Variants in STIP1 observed in about 807,000 individuals in gnomAD.
The protein encoded by STIP1 is stress induced phosphoprotein 1.
In STIP1, 16 loss-of-function variants were observed where a neutral mutation model predicts 77.4. The observed-to-expected ratio is 0.21, with a 90% CI of 0.14 to 0.31. The LOEUF is 0.31. Ranked by LOEUF, STIP1 falls within the 10% of genes least tolerant of loss-of-function variation. The pLI is 1.00. For synonymous variants in STIP1, 258 were observed against 246.6 expected (o/e 1.05, Z -0.44); for missense variants, 524 against 684.8 (o/e 0.77, Z 2.62).
upstream of STIP1, chr11:64,185,658 G>C (rs1250349990): frequency 1.1e-6 from 1 of 943,126 alleles, no homozygotes; most frequent in Non-Finnish European, 1.5e-6. Context: ...AGGCCCCGCA[G>C]CCGCCGGCGA....
intron 5 of STIP1, among the ~76,000 whole-genome samples, chr11:64,196,412 AAAG>A (rs1245896835): frequency 6.6e-6 from 1 of 151,728 alleles, no homozygotes. Context: ...AAAAAAAAAA[AAAG>A]CTTCACAAGA....
rs1306428238 is a variant in STIP1 at position 64,193,297 on chromosome 11, G to C, written c.219+10G>C. On this transcript the variant is annotated intron_variant, in intron 2 of 13. Coordinates refer to ENST00000305218, the MANE Select transcript of STIP1 (RefSeq NM_006819.3). ...GCCTGACTGGGGCAAGGTCAGCTGT[G>C]GGCAGTGGAGGGAGAGAGGCCCTTC... 3.7e-6 allele frequency: 6 copies of C among 1,613,944 alleles called. No homozygotes were observed. Among genetic ancestry groups the C allele is most frequent in the Non-Finnish European group, 4.2e-6 (5 of 1,179,952 alleles).
chr11:64,193,741 C>T (rs1370858108), intron 2 of STIP1, among the ~76,000 whole-genome samples: 1 of 152,078 alleles, frequency 6.6e-6, no homozygotes, highest in African/African-American at 2.4e-5. Context: ...GAGCTGAAAT[C>T]GTGCCACTGC....
chr11:64,194,335 G>A lies in STIP1; in HGVS notation c.361+5G>A. 1 of 1,613,064 alleles carries A rather than the reference G, an allele frequency of 6.2e-7. No homozygotes were observed. The highest frequency in any genetic ancestry group is 8.5e-7 in the Non-Finnish European group (1 of 1,179,734). The stretch of plus-strand genomic sequence containing the variant: ...ATATGGAGGCCAGGTTGGCAGGTAG[G>A]TACCACGCACAGTTTTCTTTCTTAT... On this transcript the variant is annotated splice_donor_5th_base_variant and intron_variant, in intron 3 of 13. Transcript: ENST00000305218.
chr11:64,194,388 AC>A, intron 3 of STIP1, 58 bp downstream of exon 3: 1 of 1,610,426 alleles, frequency 6.2e-7, no homozygotes, highest in Non-Finnish European at 8.5e-7. Context: ...TTGAGTCTTC[AC>A]CCCTGAGAAA....
chr11:64,185,711 A>G (rs896759736), upstream of STIP1: 8 of 1,412,990 alleles, frequency 5.7e-6, no homozygotes, highest in South Asian at 2.7e-5. Flanking sequence ...CCCATATATC[A>G]GGGGCGGGGC....
Position 64,186,172 on chromosome 11 carries a change from G to A in STIP1, c.-90G>A. The A allele has an allele frequency of 1.9e-6, 3 of 1,550,340 alleles. No homozygotes were observed. The highest frequency in any genetic ancestry group is 2.6e-6 in the Non-Finnish European group (3 of 1,146,824). Reference sequence around the variant, plus strand: ...AGGGGCGGGAGCCGGGGTCCCGGTAGCTTCTAGTAGGTTCCAGAAGGCGGC... The same window carrying A: ...AGGGGCGGGAGCCGGGGTCCCGGTAACTTCTAGTAGGTTCCAGAAGGCGGC... On this transcript the variant is annotated 5_prime_UTR_variant, in exon 1 of 14. Coordinates refer to ENST00000305218, the MANE Select transcript of STIP1 (RefSeq NM_006819.3).
chr11:64,200,127 C>G, intron 9 of STIP1, 42 bp from the exon 10 acceptor site: 1 of 1,610,552 alleles, frequency 6.2e-7, no homozygotes, highest in Non-Finnish European at 8.5e-7. Flanking sequence ...CACATGGGGG[C>G]TTTTTGCTTT....
At chr11:64,203,333 G>GT in intron 12 of STIP1, 105 bp downstream of exon 12, 1 of 1,577,194 alleles carries the variant, frequency 6.3e-7, no homozygotes. Context: ...ATTTCTCTCT[G>GT]TTTCTCTCTT....
Position 64,195,654 on chromosome 11 carries a change from A to G in STIP1, c.513A>G (p.Gln171=), listed in dbSNP as rs745888773. 3.3e-5 allele frequency: 53 copies of G among 1,605,378 alleles called. No homozygotes were observed. Among genetic ancestry groups the G allele is most frequent in the Non-Finnish European group, 4.2e-5 (50 of 1,177,346 alleles). ...NKPSDLGTKL[Q]DPRIMTTLSV... ...TTTAAATCAATACTAGGAAACTACA[A>G]GATCCCCGGATCATGACCACTCTCA... The change falls in exon 5 of 14, where the codon CAA becomes CAG. Residue 171 remains glutamine (Q), a synonymous_variant. Transcript: ENST00000305218.
chr11:64,188,138 G>A (rs980521682), intron 1 of STIP1, among the ~76,000 whole-genome samples: 2 of 151,546 alleles, frequency 1.3e-5, no homozygotes, highest in African/African-American at 4.9e-5. Context: ...CCTGAGGTCA[G>A]GAGTTCTACA....
chr11:64,187,556 C>T (rs905135694), intron 1 of STIP1, among the ~76,000 whole-genome samples: 3 of 152,176 alleles, frequency 2.0e-5, no homozygotes, highest in South Asian at 2.1e-4. Flanking sequence ...TTAGGCAAAG[C>T]TCGAGCTTCC....
chr11:64,200,590 CGTGTGTGTGTGTGTGTGTGTGT>C lies in STIP1; in HGVS notation c.1245+314_1245+335del, dbSNP rs35484605. ...AATATGGGACCTGTATCTAACTGGT[CGTGTGTGTGTGTGTGTGTGTGT>C]GTGTGTGTGTGTGTGTAAAATATGG... On this transcript the variant is annotated intron_variant, in intron 10 of 13. Coordinates refer to ENST00000305218, the MANE Select transcript of STIP1 (RefSeq NM_006819.3). Among the ~76,000 whole-genome samples, 317 of 141,296 alleles carry C rather than the reference CGTGTGTGTGTGTGTGTGTGTGT, an allele frequency of 2.2e-3. 5 individuals are homozygous for C. In the Middle Eastern group the frequency reaches 0.039, roughly 17 times the overall value. 92.7% of individuals were successfully genotyped at this position (141,296 alleles called of 152,430 possible). A position where few individuals can be genotyped will look rare whatever the true frequency, so the allele number is the denominator to read the frequency against.
chr11:64,188,895 CTGTGAGG>C (rs1946059032), intron 1 of STIP1, among the ~76,000 whole-genome samples: 1 of 152,266 alleles, frequency 6.6e-6, no homozygotes, highest in East Asian at 1.9e-4. Flanking sequence ...TCATTTTCAA[CTGTGAGG>C]TTTGTATTTC....
At position 64,194,145 on chromosome 11, in the gene STIP1, C is replaced by T. The variant is rs374744774; in HGVS notation, c.220-44C>T. 6.3e-6 allele frequency: 10 copies of T among 1,582,808 alleles called. No homozygotes were observed. The South Asian group carries it at 9.3e-5, about 15-fold the overall frequency. Reference sequence around the variant, plus strand: ...TTTTTGAGTTCGTCTTCTAGATTTACCTCTGGGTGTTCTCTATTTTGTGTC... The same window carrying T: ...TTTTTGAGTTCGTCTTCTAGATTTATCTCTGGGTGTTCTCTATTTTGTGTC... On this transcript the variant is annotated intron_variant, in intron 2 of 13. Coordinates refer to ENST00000305218, the MANE Select transcript of STIP1 (RefSeq NM_006819.3).
Position 64,204,140 on chromosome 11 carries a change from C to T in STIP1, c.*14C>T, listed in dbSNP as rs754130910. On this transcript the variant is annotated 3_prime_UTR_variant, in exon 14 of 14. Coordinates refer to ENST00000305218, the MANE Select transcript of STIP1 (RefSeq NM_006819.3). Reference sequence around the variant, plus strand: ...GCAATTCGGTGATGACTTGTTCATCCCCCCTTCCCTTCGCCCTCATGTGGA... The same window carrying T: ...GCAATTCGGTGATGACTTGTTCATCTCCCCTTCCCTTCGCCCTCATGTGGA... 1 of 1,613,772 alleles carries T rather than the reference C, an allele frequency of 6.2e-7. No individual in the cohort carries two copies. The highest frequency in any genetic ancestry group is 1.1e-5 in the South Asian group (1 of 91,058).
intron 4 of STIP1, 101 bp from the exon 5 acceptor site, chr11:64,195,544 C>T: frequency 7.9e-7 from 1 of 1,258,176 alleles, no homozygotes; most frequent in Non-Finnish European, 1.1e-6. Flanking sequence ...TGAGGAGCTT[C>T]TAAACACAAG....
chr11:64,190,230 A>C (rs943740071), intron 1 of STIP1, among the ~76,000 whole-genome samples: 2 of 151,816 alleles, frequency 1.3e-5, no homozygotes, highest in African/African-American at 4.8e-5. Flanking sequence ...CTGGAGTGCA[A>C]TGACGCAATC....
At chr11:64,193,633 A>C (rs1184128924) in intron 2 of STIP1, among the ~76,000 whole-genome samples, 1 of 152,048 alleles carries the variant, frequency 6.6e-6, no homozygotes, top group East Asian at 1.9e-4. Flanking sequence ...AAAATGCAAA[A>C]AAATTTAGCC....
Sources: gnomAD v4.1 joint callset for allele counts (sites outside exome capture counted in the v4.1 genomes callset) on GRCh38, gnomAD v4.1.1 for gene constraint, MANE v1.5 for transcripts, NCBI Gene and HGNC (gene_info 2026-07-23, HGNC 2026-07-21) for gene names.